The following KCNU1 variants were observed in gnomAD, a reference collection of about 807,000 sequenced individuals.
KCNU1 encodes the protein potassium calcium-activated channel subfamily U member 1.
KCNU1 carries 93 observed loss-of-function variants against 126.8 expected under a neutral mutation model. The ratio of observed to expected loss-of-function variants is 0.73; its 90% CI spans 0.62 to 0.87. The LOEUF (loss-of-function observed/expected upper bound fraction) is 0.87, where lower values mean the gene tolerates loss of function less well. Ranked by LOEUF, KCNU1 falls within the 40% of genes least tolerant of loss-of-function variation. The probability of loss-of-function intolerance (pLI) is 0.00; values close to 1 mark genes in which losing one functional copy is unlikely to be tolerated. For missense variants in KCNU1, 1,330 were observed against 1,367.1 expected (o/e 0.97, Z 0.43); for synonymous variants, 523 against 494.2 (o/e 1.06, Z -0.77).
intron 19 of KCNU1, among the ~76,000 whole-genome samples, chr8:36,879,224 TATATATATATATATACAC>T (rs1328551916): frequency 7.0e-6 from 1 of 142,852 alleles, no homozygotes; most frequent in African/African-American, 2.5e-5. Context: ...TATATATATA[TATATATATATATATACAC>T]ACACATATAT....
At chr8:36,912,456 A>G (rs947323957) in intron 22 of KCNU1, among the ~76,000 whole-genome samples, 1 of 152,174 alleles carries the variant, frequency 6.6e-6, no homozygotes, top group African/African-American at 2.4e-5. Context: ...CTTCATGAAT[A>G]TCAAAGTGCC....
In KCNU1 at chr8:36,817,635, G is replaced by A. The variant is rs1182373987; in HGVS notation, c.996-15G>A. ...GTGCCTCGGATGATCCACCTCACCT[G>A]TTTTTGCTGCCTAGGTTTATTGTGG... On this transcript the variant is annotated splice_polypyrimidine_tract_variant and intron_variant, in intron 9 of 26. Coordinates refer to ENST00000399881, the MANE Select transcript of KCNU1 (RefSeq NM_001031836.3). 3 of 1,484,748 alleles carry A rather than the reference G, an allele frequency of 2.0e-6. No individual in the cohort carries two copies. Among genetic ancestry groups the A allele is most frequent in the African/African-American group, 2.8e-5 (2 of 72,314 alleles). 92.0% of individuals were successfully genotyped at this position (1,484,748 alleles called of 1,614,324 possible).
At chr8:36,924,390 A>G (rs1247336716) in intron 24 of KCNU1, among the ~76,000 whole-genome samples, 1 of 152,186 alleles carries the variant, frequency 6.6e-6, no homozygotes, top group Non-Finnish European at 1.5e-5. Context: ...AGTTTAAGGG[A>G]GCACGGCTGG....
chr8:36,908,823 A>G (rs1271360380), intron 20 of KCNU1, among the ~76,000 whole-genome samples: 1 of 152,084 alleles, frequency 6.6e-6, no homozygotes, highest in Non-Finnish European at 1.5e-5. Flanking sequence ...CATGTGGTTC[A>G]AACTAATGAA....
Position 36,817,675 on chromosome 8 carries a change from A to C in KCNU1, c.1021A>C (p.Thr341Pro). The C allele has an allele frequency of 6.2e-7, 1 of 1,611,582 alleles. No homozygotes were observed. The highest frequency in any genetic ancestry group is 8.5e-7 in the Non-Finnish European group (1 of 1,177,812). The part of the protein sequence containing the change: ...KKFIVVCGNI[T>P]VDSVTAFLRN... ...GTTTATTGTGGTCTGTGGAAACATC[A>C]CTGTGGACAGTGTGACCGCTTTCCT... The change falls in exon 10 of 27, where the codon ACT becomes CCT. Residue 341 changes from threonine (T) to proline (P), a missense_variant. Physicochemically the swap from Thr to Pro is conservative, Grantham distance 38. This residue lies in a region of KCNU1 where 1,054 missense variants were observed against 1,053.9 expected (regional missense o/e 1.00). Coordinates refer to ENST00000399881, the MANE Select transcript of KCNU1 (RefSeq NM_001031836.3).
In KCNU1 at chr8:36,803,968, C is replaced by T. The variant is rs147789178; in HGVS notation, c.316-59C>T. 4.3e-4 allele frequency: 488 copies of T among 1,143,768 alleles called. 3 individuals carry two copies. In the African/African-American group the frequency reaches 6.3e-3, roughly 15 times the overall value. The allele number at this position is 1,143,768 out of a possible 1,614,324, so 70.9% of individuals were successfully genotyped here. A position where few individuals can be genotyped will look rare whatever the true frequency, so the allele number is the denominator to read the frequency against. The stretch of plus-strand genomic sequence containing the variant: ...GTAAAAAGAGAAAACACACTTTTGT[C>T]GATTTATTTAATGCAAATGAAGTGG... On this transcript the variant is annotated intron_variant, in intron 2 of 26. Transcript: ENST00000399881.
chr8:36,887,205 T>C (rs975230192), intron 19 of KCNU1, among the ~76,000 whole-genome samples: 5 of 152,162 alleles, frequency 3.3e-5, no homozygotes, highest in Non-Finnish European at 5.9e-5. Context: ...CTGCTTGTGG[T>C]TCTCTAAGAA....
intron 19 of KCNU1, among the ~76,000 whole-genome samples, chr8:36,866,368 T>C (rs181037933): frequency 2.0e-5 from 3 of 152,148 alleles, no homozygotes; most frequent in African/African-American, 7.2e-5. Flanking sequence ...GAGTCAAACA[T>C]CTGAGCCACC....
At chr8:36,931,606 C>T (rs1038571535) in intron 25 of KCNU1, among the ~76,000 whole-genome samples, 1 of 152,062 alleles carries the variant, frequency 6.6e-6, no homozygotes, top group Non-Finnish European at 1.5e-5. Flanking sequence ...GAAACTGGAG[C>T]TCAGAGAAGC....
chr8:36,845,505 T>G lies in KCNU1; in HGVS notation c.1704-75T>G, dbSNP rs76138349. The G allele has an allele frequency of 0.015, 12,183 of 817,692 alleles. 1,051 individuals are homozygous for G. The African/African-American group carries it at 0.18, about 12-fold the overall frequency. 50.7% of individuals were successfully genotyped at this position (817,692 alleles called of 1,614,324 possible). A position where few individuals can be genotyped will look rare whatever the true frequency, so the allele number is the denominator to read the frequency against. On this transcript the variant is annotated intron_variant, in intron 16 of 26. Transcript: ENST00000399881. ...AGCAACTCAGAGAATCCATTGATCATAACAGAAAGAGGCACCAACTGTTGC... is the reference window on the plus strand; with the variant it reads ...AGCAACTCAGAGAATCCATTGATCAGAACAGAAAGAGGCACCAACTGTTGC...
chr8:36,882,676 C>T (rs554379322), intron 19 of KCNU1, among the ~76,000 whole-genome samples: 1 of 152,158 alleles, frequency 6.6e-6, no homozygotes, highest in African/African-American at 2.4e-5. Flanking sequence ...CTCCTCCTCC[C>T]AGGTTCAAGC....
At chr8:36,815,281 G>A (rs1186205347) in intron 8 of KCNU1, among the ~76,000 whole-genome samples, 10 of 152,074 alleles carry the variant, frequency 6.6e-5, no homozygotes, top group East Asian at 3.9e-4. Flanking sequence ...ACCCCAGCCC[G>A]GGAGACAGAC....
chr8:36,889,444 T>G (rs1563317827), intron 19 of KCNU1: 1 of 319,648 alleles, frequency 3.1e-6, no homozygotes, highest in Non-Finnish European at 6.2e-6. Context: ...GACTCTGACT[T>G]ATTTGGTGTG....
intron 22 of KCNU1, among the ~76,000 whole-genome samples, chr8:36,912,953 CAAAAAAAAA>C (rs71547665): frequency 5.4e-5 from 2 of 37,364 alleles, no homozygotes; most frequent in Admixed American, 8.8e-4. Context: ...GGTGACAGAG[CAAAAAAAAA>C]AAAAAAAAAA....
At chr8:36,923,115 C>T (rs1808421299) in intron 24 of KCNU1, 1 of 454,478 alleles carries the variant, frequency 2.2e-6, no homozygotes, top group Non-Finnish European at 4.4e-6. Flanking sequence ...TTCTTGACTA[C>T]ATGGTTATTC....
At chr8:36,820,796 A>ACT (rs775442249) in intron 10 of KCNU1, among the ~76,000 whole-genome samples, 1 of 152,114 alleles carries the variant, frequency 6.6e-6, no homozygotes, top group Non-Finnish European at 1.5e-5. Flanking sequence ...CAAGGATGCA[A>ACT]CTGTAAGATC....
intron 12 of KCNU1, among the ~76,000 whole-genome samples, chr8:36,835,731 T>A (rs1804724081): frequency 6.6e-6 from 1 of 152,194 alleles, no homozygotes. Flanking sequence ...TTGTGATAAC[T>A]GTGATTATGA....
intron 14 of KCNU1, among the ~76,000 whole-genome samples, chr8:36,838,365 G>A (rs1288783812): frequency 6.6e-6 from 1 of 152,136 alleles, no homozygotes; most frequent in East Asian, 1.9e-4. Context: ...AGAAGACAGG[G>A]ATGTAAAACC....
chr8:36,841,051 T>TC, intron 16 of KCNU1, 48 bp downstream of exon 16: 1 of 1,267,096 alleles, frequency 7.9e-7, no homozygotes, highest in Non-Finnish European at 1.1e-6. Flanking sequence ...TTTTTTTTTT[T>TC]TTTTTCCTGG....
Sources: allele counts gnomAD v4.1 joint callset (sites outside exome capture counted in the v4.1 genomes callset), GRCh38; gene constraint gnomAD v4.1.1; regional missense constraint gnomAD v4.1.1; transcripts MANE v1.5; gene names NCBI Gene and HGNC (gene_info 2026-07-23, HGNC 2026-07-21).